The following REPS1 variants were observed in gnomAD, a reference collection of about 807,000 sequenced individuals.
REPS1 encodes RALBP1 associated Eps domain containing 1, also known as ralBP1-associated Eps domain-containing protein 1.
Under a neutral mutation model 100.9 loss-of-function variants are expected in REPS1, and 39 were observed. The ratio of observed to expected loss-of-function variants is 0.39; its 90% CI spans 0.30 to 0.50. The LOEUF is 0.50. Ranked by LOEUF, REPS1 falls within the 20% of genes least tolerant of loss-of-function variation. The pLI, the probability that REPS1 is intolerant of heterozygous loss-of-function variation, is 0.86. For synonymous variants in REPS1, 324 were observed against 340.3 expected, an observed-to-expected ratio of 0.95 and a Z score of 0.53; for missense variants, 821 against 968.5, an observed-to-expected ratio of 0.85 and a Z score of 2.02.
At position 138,959,874 on chromosome 6, in the gene REPS1, T is replaced by C. The variant is rs80183452; in HGVS notation, c.154-11961A>G. ...AACAATCCTCTAATGTTGGCTACCA[T>C]TATCCCCAGTTCATAGGAAAGAAAA... On this transcript the variant is annotated intron_variant, in intron 1 of 19. Transcript: ENST00000450536. Among the ~76,000 whole-genome samples, 1,372 of 152,310 alleles carry C rather than the reference T, an allele frequency of 9.0e-3. 16 individuals carry two copies. Among genetic ancestry groups the C allele is most frequent in the African/African-American group, 0.031 (1,299 of 41,554 alleles).
intron 1 of REPS1, among the ~76,000 whole-genome samples, chr6:138,949,347 A>G (rs753177214): frequency 6.6e-5 from 10 of 152,192 alleles, no homozygotes; most frequent in Non-Finnish European, 1.3e-4. Flanking sequence ...TATATTTGTT[A>G]GCCATTTGCA....
intron 10 of REPS1, among the ~76,000 whole-genome samples, 173 bp downstream of exon 10, chr6:138,926,228 A>G (rs1037937081): frequency 1.3e-5 from 2 of 152,210 alleles, no homozygotes; most frequent in East Asian, 1.9e-4. Context: ...ACTAGAAAAA[A>G]GGAATGGCAA....
intron 1 of REPS1, among the ~76,000 whole-genome samples, chr6:138,979,675 C>T (rs1172552262): frequency 2.0e-5 from 3 of 152,142 alleles, no homozygotes; most frequent in South Asian, 2.1e-4. Flanking sequence ...TTGGCATCCA[C>T]GACATGATAA....
chr6:138,934,223 A>G (rs1582766437), intron 8 of REPS1: 2 of 429,352 alleles, frequency 4.7e-6, no homozygotes, highest in Non-Finnish European at 9.9e-6. Context: ...TTTTACTCTT[A>G]CCTGATGCAG....
intron 1 of REPS1, among the ~76,000 whole-genome samples, chr6:138,965,474 T>C (rs1296137618): frequency 1.3e-5 from 2 of 152,122 alleles, no homozygotes; most frequent in African/African-American, 4.8e-5. Flanking sequence ...CTTGAAATAG[T>C]ACTAGTTGCC....
In REPS1 at chr6:138,903,893, GTCTA is replaced by G. The variant is rs1449117966; in HGVS notation, c.*1167_*1170del. The G allele has an allele frequency of 1.3e-5, 2 of 152,132 alleles. No individual in the cohort carries two copies. The highest frequency in any genetic ancestry group is 4.8e-5 in the African/African-American group (2 of 41,434). 9.4% of individuals were successfully genotyped at this position (152,132 alleles called of 1,614,324 possible). ...TCAAATTCTTGTTTACAGTAACAAA[GTCTA>G]TCGGTGCAGTTTAGGACTGTGAATC... On this transcript the variant is annotated 3_prime_UTR_variant, in exon 20 of 20. Transcript: ENST00000450536.
chr6:138,914,083 G>A (rs1028708956), intron 15 of REPS1, among the ~76,000 whole-genome samples: 4 of 151,726 alleles, frequency 2.6e-5, no homozygotes, highest in Non-Finnish European at 5.9e-5. Flanking sequence ...ATTTTGTTTT[G>A]TTTTGAGACA....
At chr6:138,924,560 T>C (rs2077747) in intron 10 of REPS1, among the ~76,000 whole-genome samples, 13,390 of 152,146 alleles carry the variant, frequency 0.088, 1,233 homozygotes, top group African/African-American at 0.23. Flanking sequence ...TGAGTGATTA[T>C]TGTCACTATT....
At chr6:138,914,987 C>T (rs1780254571) in intron 14 of REPS1, 1 of 510,490 alleles carries the variant, frequency 2.0e-6, no homozygotes, top group Admixed American at 3.9e-5. Flanking sequence ...TACATGAAGC[C>T]CTCCTGGCAT....
In REPS1 at chr6:138,921,042, C is replaced by T; in HGVS notation, c.1421G>A (p.Gly474Asp). The T allele has an allele frequency of 6.2e-7, 1 of 1,610,222 alleles. No individual in the cohort carries two copies. Among genetic ancestry groups the T allele is most frequent in the Non-Finnish European group, 8.5e-7 (1 of 1,176,962 alleles). The change falls in exon 11 of 20, where the codon GGC becomes GAC. Residue 474 changes from glycine (G) to aspartate (D), a missense_variant. Around this residue, in one of 3 missense-constraint regions of REPS1, gnomAD observed 757 missense variants for 866.4 expected, o/e 0.87. Transcript: ENST00000450536. ...ACCAGCAACAGCTTCCTTACCGCTG[C>T]CAGTTCTTTTAAGTTCCATTTCCTG... Reference protein sequence around the residue: ...HMQEMELKRTGSDHTNPTSPL... With the variant: ...HMQEMELKRTDSDHTNPTSPL...
intron 2 of REPS1, 93 bp downstream of exon 2, chr6:138,947,697 A>G (rs1029419934): frequency 5.2e-6 from 6 of 1,156,504 alleles, no homozygotes; most frequent in Non-Finnish European, 7.1e-6. Flanking sequence ...AAATGCCACT[A>G]TAAGATCAGA....
intron 1 of REPS1, among the ~76,000 whole-genome samples, chr6:138,962,411 A>T (rs1783792778): frequency 6.6e-6 from 1 of 151,778 alleles, no homozygotes; most frequent in African/African-American, 2.4e-5. Context: ...CATATTTTTT[A>T]TATATATAAA....
chr6:138,910,036 T>C (rs1383997688), intron 17 of REPS1, among the ~76,000 whole-genome samples: 1 of 152,112 alleles, frequency 6.6e-6, no homozygotes, highest in Admixed American at 6.5e-5. Context: ...TAGATATTTG[T>C]CCCCTCCAAA....
intron 1 of REPS1, among the ~76,000 whole-genome samples, chr6:138,959,839 T>A (rs189335889): frequency 1.4e-3 from 208 of 152,304 alleles, no homozygotes; most frequent in African/African-American, 4.8e-3. Flanking sequence ...TTATTCTACT[T>A]AATGTTCAGA....
rs141102192 is a variant in REPS1 at position 138,924,642 on chromosome 6, A to C, written c.1338+1759T>G. On this transcript the variant is annotated intron_variant, in intron 10 of 19. Coordinates refer to ENST00000450536, the MANE Select transcript of REPS1 (RefSeq NM_001286611.2). ...CCTTCCTTCCCATATACTTTCATTAAGTACTTTCATATTAGCTTAACTGTA... is the reference window on the plus strand; with the variant it reads ...CCTTCCTTCCCATATACTTTCATTACGTACTTTCATATTAGCTTAACTGTA... Among the ~76,000 whole-genome samples, 3 of 152,338 alleles carry C rather than the reference A, an allele frequency of 2.0e-5. No homozygotes were observed. In the East Asian group the frequency reaches 5.8e-4, roughly 29 times the overall value.
intron 16 of REPS1, among the ~76,000 whole-genome samples, chr6:138,912,035 T>G (rs1780046565): frequency 6.6e-6 from 1 of 152,090 alleles, no homozygotes; most frequent in East Asian, 1.9e-4. Context: ...CTGACCCTCC[T>G]AGATGCAGCC....
rs748200886 is a variant in REPS1 at position 138,915,963 on chromosome 6, T to C, written c.1615A>G (p.Thr539Ala). Residue 539 changes from threonine (T) to alanine (A), a missense_variant, in exon 14 of 20, where the codon ACG (threonine) becomes GCG (alanine). By Grantham distance (58) the Thr-to-Ala change is moderately conservative. Coordinates refer to ENST00000450536, the MANE Select transcript of REPS1 (RefSeq NM_001286611.2). Reference sequence around the variant, plus strand: ...GGTGGTGCAGTGTTATCAGGCGACGTTCCTGAATGAGACCTGCAAAATTCA... The same window carrying C: ...GGTGGTGCAGTGTTATCAGGCGACGCTCCTGAATGAGACCTGCAAAATTCA... ...NVTRQRSHSG[T>A]SPDNTAPPPP... 2 of 1,613,342 alleles carry C rather than the reference T, an allele frequency of 1.2e-6. No homozygotes were observed. The highest frequency in any genetic ancestry group is 8.5e-7 in the Non-Finnish European group (1 of 1,179,478).
chr6:138,940,926 A>G (rs7740282), intron 8 of REPS1, among the ~76,000 whole-genome samples: 13,365 of 152,150 alleles, frequency 0.088, 1,231 homozygotes, highest in African/African-American at 0.23. Flanking sequence ...ACTTACAACT[A>G]TAAAGGTCTA....
At chr6:138,949,311 T>C (rs966666351) in intron 1 of REPS1, among the ~76,000 whole-genome samples, 2 of 152,204 alleles carry the variant, frequency 1.3e-5, no homozygotes, top group African/African-American at 4.8e-5. Flanking sequence ...CTCAATGCTG[T>C]TTTAATTGGT....
Sources: gnomAD v4.1 joint callset for allele counts (sites outside exome capture counted in the v4.1 genomes callset) on GRCh38, gnomAD v4.1.1 for gene constraint, gnomAD v4.1.1 regional missense constraint, MANE v1.5 for transcripts, NCBI Gene and HGNC (gene_info 2026-07-23, HGNC 2026-07-21) for gene names.